The following UNC5D variants were observed in gnomAD, a reference collection of about 807,000 sequenced individuals.
The protein encoded by UNC5D is netrin receptor UNC5D.
In UNC5D, 39 loss-of-function variants were observed where a neutral mutation model predicts 105.4. That is an observed-to-expected ratio of 0.37 (90% CI 0.29 to 0.48). The LOEUF is 0.48. Ranked by LOEUF, UNC5D falls within the 20% of genes least tolerant of loss-of-function variation. The pLI, the probability that UNC5D is intolerant of heterozygous loss-of-function variation, is 0.98. For missense variants in UNC5D, 991 were observed against 1,202.4 expected (o/e 0.82, Z 2.60); for synonymous variants, 452 against 450.4 (o/e 1.00, Z -0.04).
chr8:35,443,304 G>A (rs1332225764), intron 1 of UNC5D, among the ~76,000 whole-genome samples: 1 of 150,156 alleles, frequency 6.7e-6, no homozygotes, highest in East Asian at 2.0e-4. Context: ...TTTGCTCTCT[G>A]TGGAAATGAG....
intron 1 of UNC5D, among the ~76,000 whole-genome samples, chr8:35,329,428 T>TA (rs1383900535): frequency 7.3e-6 from 1 of 136,948 alleles, no homozygotes; most frequent in Non-Finnish European, 1.6e-5. Flanking sequence ...TATATATATA[T>TA]GGGGAAAAAA....
At chr8:35,686,416 T>C in intron 6 of UNC5D, 129 bp from the exon 7 acceptor site, 1 of 999,666 alleles carries the variant, frequency 1.0e-6, no homozygotes, top group Non-Finnish European at 1.4e-6. Flanking sequence ...TAAGTGGATA[T>C]GTTCTTTTGT....
intron 4 of UNC5D, among the ~76,000 whole-genome samples, chr8:35,677,406 C>T (rs1221470430): frequency 1.3e-5 from 2 of 152,154 alleles, no homozygotes; most frequent in South Asian, 2.1e-4. Flanking sequence ...CACCACTTCA[C>T]TGATTTATGT....
intron 1 of UNC5D, among the ~76,000 whole-genome samples, chr8:35,284,905 C>T (rs1347894686): frequency 6.6e-6 from 1 of 152,126 alleles, no homozygotes; most frequent in Non-Finnish European, 1.5e-5. Context: ...TCTCTCTGAG[C>T]TCTATAACAT....
intron 1 of UNC5D, among the ~76,000 whole-genome samples, chr8:35,357,873 C>T (rs1190934152): frequency 6.6e-6 from 1 of 152,038 alleles, no homozygotes; most frequent in Non-Finnish European, 1.5e-5. Flanking sequence ...TCCTTCCTTC[C>T]ATCCTTCCAT....
At chr8:35,291,460 A>G (rs1168618193) in intron 1 of UNC5D, among the ~76,000 whole-genome samples, 1 of 152,234 alleles carries the variant, frequency 6.6e-6, no homozygotes, top group Non-Finnish European at 1.5e-5. Flanking sequence ...GTGTCTGACC[A>G]TCACTTGCTT....
At chr8:35,724,277 C>A in intron 9 of UNC5D, 1 of 1,534,620 alleles carries the variant, frequency 6.5e-7, no homozygotes, top group Non-Finnish European at 8.7e-7. Flanking sequence ...ACTAATGATA[C>A]AAGAAAAATC....
chr8:35,568,157 G>T lies in UNC5D; in HGVS notation c.382G>T (p.Gly128Trp). The part of the protein sequence containing the change: ...VTRQQVEDFH[G>W]PEDYWCQCVA... Reference sequence around the variant, plus strand: ...TAGGCAACAGGTGGAGGACTTCCATGGGCCCGAGGACTATTGGTGCCAGTG... The same window carrying T: ...TAGGCAACAGGTGGAGGACTTCCATTGGCCCGAGGACTATTGGTGCCAGTG... Residue 128 changes from glycine to tryptophan, a missense_variant, in exon 3 of 17, where the codon GGG (glycine) becomes TGG (tryptophan). Physicochemically the swap from Gly to Trp is radical, Grantham distance 184 (BLOSUM62 -2). Coordinates refer to ENST00000404895, the MANE Select transcript of UNC5D (RefSeq NM_080872.4). The T allele has an allele frequency of 6.2e-7, 1 of 1,614,216 alleles. No homozygotes were observed. The highest frequency in any genetic ancestry group is 8.5e-7 in the Non-Finnish European group (1 of 1,180,038).
At chr8:35,365,015 A>AT (rs1203367658) in intron 1 of UNC5D, among the ~76,000 whole-genome samples, 1 of 152,102 alleles carries the variant, frequency 6.6e-6, no homozygotes, top group East Asian at 1.9e-4. Flanking sequence ...CTATGCATTT[A>AT]TAATAGAGTT....
chr8:35,780,806 A>T (rs944810728), intron 16 of UNC5D, among the ~76,000 whole-genome samples: 1 of 152,216 alleles, frequency 6.6e-6, no homozygotes, highest in African/African-American at 2.4e-5. Context: ...TTTCCAAAAA[A>T]TCAGCCTTCG....
At chr8:35,458,699 C>T (rs1379520989) in intron 1 of UNC5D, among the ~76,000 whole-genome samples, 1 of 152,074 alleles carries the variant, frequency 6.6e-6, no homozygotes, top group Non-Finnish European at 1.5e-5. Context: ...ATCAATGAAA[C>T]AAAAACCATG....
At chr8:35,463,394 T>C (rs2129693837) in intron 1 of UNC5D, among the ~76,000 whole-genome samples, 1 of 152,298 alleles carries the variant, frequency 6.6e-6, no homozygotes, top group Non-Finnish European at 1.5e-5. Context: ...GGGTAGGGAT[T>C]ACGTTGTGAA....
intron 1 of UNC5D, among the ~76,000 whole-genome samples, chr8:35,238,641 C>A (rs1802617404): frequency 6.6e-6 from 1 of 151,978 alleles, no homozygotes; most frequent in African/African-American, 2.4e-5. Context: ...GTTATTTTTG[C>A]CTTAGATACT....
chr8:35,470,660 T>C (rs1162432862), intron 1 of UNC5D, among the ~76,000 whole-genome samples: 1 of 149,926 alleles, frequency 6.7e-6, no homozygotes, highest in East Asian at 2.0e-4. Flanking sequence ...AGGCCCATAC[T>C]TGGGAGGTTG....
chr8:35,373,534 T>G (rs1238983237), intron 1 of UNC5D, among the ~76,000 whole-genome samples: 4 of 152,210 alleles, frequency 2.6e-5, no homozygotes, highest in African/African-American at 9.6e-5. Context: ...CTGGGACATG[T>G]GCTGGAGCTG....
intron 16 of UNC5D, among the ~76,000 whole-genome samples, chr8:35,787,322 GT>G (rs947180827): frequency 1.3e-5 from 2 of 152,100 alleles, no homozygotes; most frequent in Admixed American, 1.3e-4. Flanking sequence ...TGTAGCTGTT[GT>G]TTTTGAAACA....
chr8:35,396,845 A>G (rs1804134804), intron 1 of UNC5D, among the ~76,000 whole-genome samples: 1 of 146,616 alleles, frequency 6.8e-6, no homozygotes, highest in Non-Finnish European at 1.5e-5. Flanking sequence ...GATACATGTG[A>G]AGTTTTGTTA....
At chr8:35,581,283 G>C (rs560287038) in intron 3 of UNC5D, among the ~76,000 whole-genome samples, 1 of 151,910 alleles carries the variant, frequency 6.6e-6, no homozygotes, top group Non-Finnish European at 1.5e-5. Context: ...GGAGTCTTTC[G>C]CTCCAGGGCT....
At chr8:35,379,447 G>A (rs1210232546) in intron 1 of UNC5D, among the ~76,000 whole-genome samples, 2 of 152,204 alleles carry the variant, frequency 1.3e-5, no homozygotes, top group African/African-American at 4.8e-5. Flanking sequence ...AAGAGACTGA[G>A]TGACCGAGCC....
Sources: allele counts gnomAD v4.1 joint callset (sites outside exome capture counted in the v4.1 genomes callset), GRCh38; gene constraint gnomAD v4.1.1; transcripts MANE v1.5; gene names NCBI Gene and HGNC (gene_info 2026-07-23, HGNC 2026-07-21).